The following ARHGEF4 variants were observed in gnomAD, a reference collection of about 807,000 sequenced individuals.
ARHGEF4 encodes the protein APC-stimulated guanine nucleotide exchange factor 1.
A neutral mutation model predicts 162.0 loss-of-function variants in ARHGEF4; 119 were observed. The observed-to-expected ratio is 0.73, with a 90% CI of 0.63 to 0.86. The LOEUF (loss-of-function observed/expected upper bound fraction) is 0.86. Ranked by LOEUF, ARHGEF4 falls within the 40% of genes least tolerant of loss-of-function variation. The pLI, the probability that ARHGEF4 is intolerant of heterozygous loss-of-function variation, is 0.00. For synonymous variants in ARHGEF4, 1,014 were observed against 979.9 expected (o/e 1.03, Z -0.65); for missense variants, 2,488 against 2,456.0 (o/e 1.01, Z -0.28).
chr2:130,916,864 C>T lies in ARHGEF4; in HGVS notation c.2918C>T (p.Pro973Leu), dbSNP rs868792192. The T allele has an allele frequency of 7.1e-6, 11 of 1,550,348 alleles. No homozygotes were observed. In the African/African-American group the frequency reaches 1.4e-4, roughly 19 times the overall value. ...SPKKPTLVSL[P>L]LGPEVLSPAE... Reference sequence around the variant, plus strand: ...AAAAAGCCCACCCTAGTGAGTCTGCCTCTAGGACCCGAAGTTCTCTCCCCA... The same window carrying T: ...AAAAAGCCCACCCTAGTGAGTCTGCTTCTAGGACCCGAAGTTCTCTCCCCA... Residue 973 changes from proline (P) to leucine (L), a missense_variant, in exon 2 of 14, where the codon CCT becomes CTT. By Grantham distance (98) the Pro-to-Leu change is moderately conservative (BLOSUM62 -3). Transcript: ENST00000409359.
chr2:130,957,934 T>C (rs183049857), intron 4 of ARHGEF4, among the ~76,000 whole-genome samples: 195 of 151,902 alleles, frequency 1.3e-3, no homozygotes, highest in African/African-American at 4.6e-3. Flanking sequence ...TATCCAATTA[T>C]AGCAGCCTGA....
intron 4 of ARHGEF4, among the ~76,000 whole-genome samples, chr2:131,017,454 T>TA (rs1301773132): frequency 2.0e-5 from 3 of 152,098 alleles, no homozygotes; most frequent in Non-Finnish European, 4.4e-5. Flanking sequence ...AAATGATGAG[T>TA]AAAAGTACTG....
intron 1 of ARHGEF4, among the ~76,000 whole-genome samples, chr2:130,840,800 C>T (rs1680550606): frequency 6.6e-6 from 1 of 152,168 alleles, no homozygotes; most frequent in African/African-American, 2.4e-5. Flanking sequence ...AGTGTCAGCT[C>T]AGAACCAGCC....
intron 4 of ARHGEF4, among the ~76,000 whole-genome samples, chr2:130,999,379 A>C (rs2105306055): frequency 6.6e-6 from 1 of 151,956 alleles, no homozygotes; most frequent in African/African-American, 2.4e-5. Context: ...GATGGTCTCG[A>C]TCTCCTGACC....
chr2:131,039,533 G>A (rs1173117744), intron 6 of ARHGEF4: 4 of 1,032,768 alleles, frequency 3.9e-6, no homozygotes, highest in African/African-American at 1.7e-5. Context: ...GGCTCAGGGC[G>A]TCCAAGCTGA....
chr2:131,045,958 G>T, intron 13 of ARHGEF4, 80 bp from the exon 14 acceptor site: 1 of 1,535,194 alleles, frequency 6.5e-7, no homozygotes. Context: ...GCCCTGGGAC[G>T]GACCCCATGC....
intron 3 of ARHGEF4, among the ~76,000 whole-genome samples, chr2:130,932,736 T>G (rs1284282150): frequency 1.3e-5 from 2 of 152,224 alleles, no homozygotes; most frequent in African/African-American, 4.8e-5. Context: ...ACCTCTGTTT[T>G]TTTCTAAGAG....
rs756052845 is a variant in ARHGEF4, at chr2:131,041,811, C to G, written c.4896-4C>G. The G allele has an allele frequency of 6.2e-7, 1 of 1,612,848 alleles. No homozygotes were observed. Among genetic ancestry groups the G allele is most frequent in the African/African-American group, 1.3e-5 (1 of 75,040 alleles). On this transcript the variant is annotated splice_region_variant and splice_polypyrimidine_tract_variant and intron_variant, in intron 9 of 13. Coordinates refer to ENST00000409359, the MANE Select transcript of ARHGEF4 (RefSeq NM_001367493.1). ...AGCAGCCTTCCATCTCTGTTCTGCCCCAGGGACTTCAAGGATGTTGAAGCC... is the reference window on the plus strand; with the variant it reads ...AGCAGCCTTCCATCTCTGTTCTGCCGCAGGGACTTCAAGGATGTTGAAGCC...
At chr2:130,869,713 C>T (rs920595084) in intron 1 of ARHGEF4, among the ~76,000 whole-genome samples, 1 of 152,204 alleles carries the variant, frequency 6.6e-6, no homozygotes. Flanking sequence ...ACGGGCAGCC[C>T]GGCCAGAGCG....
Position 130,842,442 on chromosome 2 carries a change from A to G in ARHGEF4, c.39+5450A>G, listed in dbSNP as rs576168329. Among the ~76,000 whole-genome samples, 17 of 152,280 alleles carry G rather than the reference A, an allele frequency of 1.1e-4. 1 individual carries two copies. In the South Asian group the frequency reaches 3.1e-3, roughly 28 times the overall value. The stretch of plus-strand genomic sequence containing the variant: ...AGAAGAGAAGAGATACTCGTACTTT[A>G]TGTAGAGTGGTAGAGAGGCCCTGTG... On this transcript the variant is annotated intron_variant, in intron 1 of 13. Coordinates refer to ENST00000409359, the MANE Select transcript of ARHGEF4 (RefSeq NM_001367493.1).
At chr2:131,015,378 A>G (rs987237728) in intron 4 of ARHGEF4, among the ~76,000 whole-genome samples, 7 of 152,172 alleles carry the variant, frequency 4.6e-5, no homozygotes, top group African/African-American at 7.2e-5. Flanking sequence ...GAAAAAGGCC[A>G]TTTGGGAGAA....
chr2:130,996,393 T>A (rs1288613293), intron 4 of ARHGEF4, among the ~76,000 whole-genome samples: 1 of 152,226 alleles, frequency 6.6e-6, no homozygotes, highest in African/African-American at 2.4e-5. Context: ...TGTTCTCCAC[T>A]AGTGAATTTT....
rs1006056043 is a variant in ARHGEF4, at chr2:131,014,132, C to T, written c.3986-13813C>T. Among the ~76,000 whole-genome samples, 6 of 152,210 alleles carry T rather than the reference C, an allele frequency of 3.9e-5. No individual in the cohort carries two copies. In the East Asian group the frequency reaches 9.6e-4, roughly 24 times the overall value. On this transcript the variant is annotated intron_variant, in intron 4 of 13. Coordinates refer to ENST00000409359, the MANE Select transcript of ARHGEF4 (RefSeq NM_001367493.1). ...TTTGCCAAAACTTGTAATTTGGTAA[C>T]GATATTGCATTCCTTGGGTTTGTAC...
chr2:131,044,329 A>C lies in ARHGEF4; in HGVS notation c.5188A>C (p.Lys1730Gln). 2 of 1,610,280 alleles carry C rather than the reference A, an allele frequency of 1.2e-6. No individual in the cohort carries two copies. The highest frequency in any genetic ancestry group is 1.7e-6 in the Non-Finnish European group (2 of 1,178,800). ...DLLRRDVLYY[K>Q]GRLDMDGLEV... ...GCTCCGCCGCGACGTGTTGTACTAC[A>C]AGGGCCGGCTGGACATGGACGGCCT... is the stretch of plus-strand genomic sequence containing the variant. The change falls in exon 12 of 14, where the codon AAG (lysine) becomes CAG (glutamine). Residue 1730 changes from lysine to glutamine, a missense_variant. Lys to Gln is a moderately conservative substitution (Grantham distance 53, BLOSUM62 1). This residue lies in a region of ARHGEF4 where 415 missense variants were observed against 512.4 expected (regional missense o/e 0.81). Transcript: ENST00000409359.
intron 4 of ARHGEF4, among the ~76,000 whole-genome samples, chr2:131,025,216 A>G (rs890089513): frequency 1.3e-5 from 2 of 152,212 alleles, no homozygotes; most frequent in Non-Finnish European, 2.9e-5. Flanking sequence ...CCTTCACCAC[A>G]TGGCAGCAGG....
intron 4 of ARHGEF4, among the ~76,000 whole-genome samples, chr2:130,984,394 G>A (rs147145566): frequency 9.9e-5 from 15 of 152,252 alleles, no homozygotes; most frequent in Non-Finnish European, 1.6e-4. Flanking sequence ...TATTGCAAAA[G>A]AATATCAAGT....
At chr2:130,891,656 A>G (rs1245925385) in intron 1 of ARHGEF4, among the ~76,000 whole-genome samples, 1 of 152,068 alleles carries the variant, frequency 6.6e-6, no homozygotes, top group African/African-American at 2.4e-5. Context: ...CCGCCTTCTG[A>G]TTGCATCCTC....
chr2:131,032,426 C>T (rs981869035), intron 5 of ARHGEF4, among the ~76,000 whole-genome samples: 2 of 152,014 alleles, frequency 1.3e-5, no homozygotes, highest in Non-Finnish European at 2.9e-5. Flanking sequence ...CAGTCCTGAC[C>T]TGGCTCTTAT....
At chr2:130,950,862 TC>T (rs762887177) in intron 4 of ARHGEF4, among the ~76,000 whole-genome samples, 6 of 152,178 alleles carry the variant, frequency 3.9e-5, no homozygotes, top group Non-Finnish European at 5.9e-5. Context: ...GTACTTCATT[TC>T]TTTCTTTGGC....
Sources: gnomAD v4.1 joint callset for allele counts (sites outside exome capture counted in the v4.1 genomes callset) on GRCh38, gnomAD v4.1.1 for gene constraint, gnomAD v4.1.1 regional missense constraint, MANE v1.5 for transcripts, NCBI Gene and HGNC (gene_info 2026-07-23, HGNC 2026-07-21) for gene names.